RFX3: variants seen among roughly 807,000 people sequenced by gnomAD.
The protein encoded by RFX3 is transcription factor RFX3.
A neutral mutation model predicts 98.6 loss-of-function variants in RFX3; 14 were observed. The ratio of observed to expected loss-of-function variants is 0.14; its 90% CI spans 0.09 to 0.22. The LOEUF (loss-of-function observed/expected upper bound fraction) is 0.22. Ranked by LOEUF, RFX3 falls within the 10% of genes least tolerant of loss-of-function variation. The pLI is 1.00. For synonymous variants in RFX3, 383 were observed against 328.4 expected, an observed-to-expected ratio of 1.17 and a Z score of -1.80; for missense variants, 639 against 926.9, an observed-to-expected ratio of 0.69 and a Z score of 4.03.
intron 15 of RFX3, among the ~76,000 whole-genome samples, chr9:3,239,839 C>G (rs1246205349): frequency 6.6e-6 from 1 of 152,202 alleles, no homozygotes; most frequent in African/African-American, 2.4e-5. Flanking sequence ...TGCTTCCCTC[C>G]CTCCTCCCAT....
chr9:3,344,736 C>G, intron 3 of RFX3: 1 of 643,308 alleles, frequency 1.6e-6, no homozygotes, highest in East Asian at 2.8e-5. Flanking sequence ...ACTGGGTGAC[C>G]TCTAGCAGTG....
intron 15 of RFX3, chr9:3,247,372 C>A (rs1199672407): frequency 2.1e-6 from 2 of 969,340 alleles, no homozygotes; most frequent in African/African-American, 1.8e-5. Context: ...GTTTGAAAAT[C>A]AGACTGTGTT....
chr9:3,277,508 G>A (rs1825389462), intron 7 of RFX3, 47 bp from the exon 8 acceptor site: 2 of 1,562,442 alleles, frequency 1.3e-6, no homozygotes, highest in African/African-American at 2.7e-5. Flanking sequence ...ATTATTCCTT[G>A]CTTTTTTGTA....
intron 4 of RFX3, among the ~76,000 whole-genome samples, chr9:3,314,168 G>A (rs1372889126): frequency 6.6e-6 from 1 of 152,164 alleles, no homozygotes; most frequent in Non-Finnish European, 1.5e-5. Context: ...ACTAACAGCG[G>A]ATCTCTTGGC....
Position 3,270,776 on chromosome 9 carries a change from G to T in RFX3, c.1202+227C>A, listed in dbSNP as rs1214648381. 7 of 676,284 alleles carry T rather than the reference G, an allele frequency of 1.0e-5. No individual in the cohort carries two copies. The African/African-American group carries it at 1.3e-4, about 12-fold the overall frequency. The allele number at this position is 676,284 out of a possible 1,614,324, so 41.9% of individuals were successfully genotyped here. ...GCAGATATGATAGTAATTCCATGAG[G>T]ATGAAATAACTACCACAGTCCCCCA... On this transcript the variant is annotated intron_variant, in intron 10 of 16. Transcript: ENST00000617270.
chr9:3,524,890 G>A (rs1254258365), intron 1 of RFX3, among the ~76,000 whole-genome samples: 1 of 147,400 alleles, frequency 6.8e-6, no homozygotes, highest in Non-Finnish European at 1.5e-5. Flanking sequence ...AAAGAAGAGA[G>A]AGGAGACAGA....
At chr9:3,422,569 T>A (rs13287892) in intron 1 of RFX3, among the ~76,000 whole-genome samples, 23,781 of 152,214 alleles carry the variant, frequency 0.16, 2,192 homozygotes, top group African/African-American at 0.25. Context: ...AAAGATCTTT[T>A]AAGTGATTTA....
intron 1 of RFX3, among the ~76,000 whole-genome samples, chr9:3,473,931 AAATATAG>A (rs1380161132): frequency 6.6e-6 from 1 of 152,228 alleles, no homozygotes; most frequent in Non-Finnish European, 1.5e-5. Context: ...AAAAATAATA[AAATATAG>A]AATATAATGT....
At chr9:3,425,872 AC>A (rs1426493237) in intron 1 of RFX3, among the ~76,000 whole-genome samples, 1 of 152,156 alleles carries the variant, frequency 6.6e-6, no homozygotes, top group Non-Finnish European at 1.5e-5. Context: ...AATAAATTTC[AC>A]TGATATGCAT....
chr9:3,233,005 G>C (rs1224020112), intron 15 of RFX3, among the ~76,000 whole-genome samples: 1 of 152,216 alleles, frequency 6.6e-6, no homozygotes, highest in East Asian at 1.9e-4. Flanking sequence ...ACGTTCCGAA[G>C]AGAAACTAGA....
chr9:3,375,895 G>A (rs939485413), intron 2 of RFX3, among the ~76,000 whole-genome samples: 1 of 152,092 alleles, frequency 6.6e-6, no homozygotes, highest in African/African-American at 2.4e-5. Flanking sequence ...ATGAAGCAGA[G>A]GTTGCAGTGA....
At chr9:3,385,732 C>G (rs1839649505) in intron 2 of RFX3, among the ~76,000 whole-genome samples, 1 of 150,810 alleles carries the variant, frequency 6.6e-6, no homozygotes, top group Non-Finnish European at 1.5e-5. Context: ...AAAGAAAACT[C>G]CTTGCAATTC....
chr9:3,340,888 G>C (rs1348275761), intron 3 of RFX3, among the ~76,000 whole-genome samples: 2 of 152,184 alleles, frequency 1.3e-5, no homozygotes, highest in Admixed American at 6.5e-5. Flanking sequence ...ATTTGACCCA[G>C]CCATCCCATT....
At position 3,505,312 on chromosome 9, in the gene RFX3, ATATT is replaced by A. The variant is rs1176578533; in HGVS notation, c.-9+20431_-9+20434del. ...TTTATATTTATATATATATAAATAT[ATATT>A]AATGTATATTTATATTTTATATAAA... On this transcript the variant is annotated intron_variant, in intron 1 of 16. Coordinates refer to ENST00000617270, the MANE Select transcript of RFX3 (RefSeq NM_001282116.2). Among the ~76,000 whole-genome samples, 51 of 78,230 alleles carry A rather than the reference ATATT, an allele frequency of 6.5e-4. 7 individuals carry two copies. The highest frequency in any genetic ancestry group is 3.0e-3 in the East Asian group (3 of 992). 51.3% of individuals were successfully genotyped at this position (78,230 alleles called of 152,430 possible).
chr9:3,352,096 A>C (rs1053547239), intron 2 of RFX3, among the ~76,000 whole-genome samples: 1 of 152,068 alleles, frequency 6.6e-6, no homozygotes, highest in African/African-American at 2.4e-5. Flanking sequence ...AGAATAAAGT[A>C]AGATATATAT....
intron 3 of RFX3, among the ~76,000 whole-genome samples, chr9:3,332,813 C>A (rs1832748099): frequency 6.6e-6 from 1 of 152,178 alleles, no homozygotes; most frequent in Admixed American, 6.5e-5. Context: ...TGCCTTTCTG[C>A]TTCACTACAT....
intron 7 of RFX3, among the ~76,000 whole-genome samples, chr9:3,278,239 A>AGTTTGTATGACTAGG (rs1825486558): frequency 6.6e-6 from 1 of 151,888 alleles, no homozygotes; most frequent in Non-Finnish European, 1.5e-5. Context: ...ACAAAACATA[A>AGTTTGTATGACTAGG]AAAAGCCTGG....
chr9:3,493,009 A>T (rs1045639830), intron 1 of RFX3, among the ~76,000 whole-genome samples: 3 of 152,132 alleles, frequency 2.0e-5, no homozygotes, highest in African/African-American at 7.2e-5. Context: ...ATTATAACTC[A>T]TCAAATAATA....
intron 1 of RFX3, among the ~76,000 whole-genome samples, chr9:3,423,985 A>T (rs1396288380): frequency 1.3e-5 from 2 of 151,614 alleles, no homozygotes; most frequent in African/African-American, 4.8e-5. Flanking sequence ...GTCTGTACTA[A>T]AAATACAAAA....
Sources: allele counts gnomAD v4.1 joint callset (sites outside exome capture counted in the v4.1 genomes callset), GRCh38; gene constraint gnomAD v4.1.1; transcripts MANE v1.5; gene names NCBI Gene and HGNC (gene_info 2026-07-23, HGNC 2026-07-21).